The following CENPE variants were observed in gnomAD, a reference collection of about 807,000 sequenced individuals.
CENPE encodes the protein centromere-associated protein E.
Under a neutral mutation model 336.1 loss-of-function variants are expected in CENPE, and 145 were observed. That is an observed-to-expected ratio of 0.43 (90% confidence interval 0.38 to 0.50). The LOEUF (loss-of-function observed/expected upper bound fraction) is 0.50. Among genes scored for constraint, CENPE ranks in the 20% least tolerant of loss-of-function variants. The probability of loss-of-function intolerance (pLI) is 0.00; values close to 1 mark genes in which losing one functional copy is unlikely to be tolerated. For synonymous variants in CENPE, 1,013 were observed against 984.8 expected (o/e 1.03, Z -0.54); for missense variants, 2,719 against 3,023.3 (o/e 0.90, Z 2.36).
chr4:103,121,629 G>T (rs1030370716), intron 43 of CENPE, among the ~76,000 whole-genome samples: 3 of 149,784 alleles, frequency 2.0e-5, no homozygotes, highest in African/African-American at 7.4e-5. Context: ...GCTCACTGCA[G>T]TATCGATCTC....
At chr4:103,108,103 T>C in intron 48 of CENPE, among the ~76,000 whole-genome samples, 1 of 152,326 alleles carries the variant, frequency 6.6e-6, no homozygotes, top group South Asian at 2.1e-4. Flanking sequence ...CTGTTCCATC[T>C]GCCTGAGATG....
At position 103,106,151 on chromosome 4, in the gene CENPE, G is replaced by A; in HGVS notation, c.*71C>T. On this transcript the variant is annotated 3_prime_UTR_variant, in exon 49 of 49. Transcript: ENST00000265148. ...AGCTGCACTACAACATCATTACCAG[G>A]GATAGACACATAAACAAAGTCATTT... 1.0e-6 allele frequency: 1 copy of A among 1,001,634 alleles called. No homozygotes were observed. Among genetic ancestry groups the A allele is most frequent in the Non-Finnish European group, 1.5e-6 (1 of 687,814 alleles). 62.0% of individuals were successfully genotyped at this position (1,001,634 alleles called of 1,614,324 possible).
chr4:103,177,188 AT>A, intron 13 of CENPE, 142 bp from the exon 14 acceptor site: 1 of 608,322 alleles, frequency 1.6e-6, no homozygotes, highest in Non-Finnish European at 2.7e-6. Flanking sequence ...TAGTCTAAGG[AT>A]ATTGCTTAAA....
At chr4:103,186,465 G>T (rs1290425230) in intron 8 of CENPE, among the ~76,000 whole-genome samples, 1 of 152,138 alleles carries the variant, frequency 6.6e-6, no homozygotes, top group Non-Finnish European at 1.5e-5. Context: ...CACTTATTTT[G>T]TTGGGCTAGT....
At chr4:103,133,941 G>T in intron 40 of CENPE, 49 bp from the exon 41 acceptor site, 1 of 1,202,690 alleles carries the variant, frequency 8.3e-7, no homozygotes, top group Non-Finnish European at 1.2e-6. Context: ...TTTGTCACAT[G>T]TAGAGAAAGT....
At chr4:103,191,428 G>A (rs1277156881) in intron 8 of CENPE, among the ~76,000 whole-genome samples, 1 of 152,164 alleles carries the variant, frequency 6.6e-6, no homozygotes, top group African/African-American at 2.4e-5. Flanking sequence ...ACTGGATTAA[G>A]AAAATGTGGC....
At chr4:103,110,678 A>G (rs888715342) in intron 47 of CENPE, 150 bp downstream of exon 47, 6 of 494,448 alleles carry the variant, frequency 1.2e-5, no homozygotes, top group African/African-American at 1.2e-4. Context: ...TCATTTTTTA[A>G]AAAAGATACT....
intron 16 of CENPE, among the ~76,000 whole-genome samples, chr4:103,165,011 A>G (rs1754786314): frequency 6.6e-6 from 1 of 152,202 alleles, no homozygotes. Context: ...ACTAATTTAG[A>G]AAAGAAAATT....
intron 8 of CENPE, among the ~76,000 whole-genome samples, chr4:103,187,263 C>T (rs549644111): frequency 4.6e-5 from 7 of 152,194 alleles, no homozygotes; most frequent in African/African-American, 1.7e-4. Flanking sequence ...GAGGTTTGTT[C>T]ATTACGTTTT....
chr4:103,187,620 G>T (rs913509107), intron 8 of CENPE, among the ~76,000 whole-genome samples: 1 of 151,782 alleles, frequency 6.6e-6, no homozygotes, highest in Non-Finnish European at 1.5e-5. Flanking sequence ...TCACCACCAG[G>T]CCTGCCTTAC....
intron 13 of CENPE, among the ~76,000 whole-genome samples, chr4:103,179,963 C>A (rs997989440): frequency 2.0e-5 from 3 of 152,208 alleles, no homozygotes; most frequent in Non-Finnish European, 4.4e-5. Flanking sequence ...ATATTCTACA[C>A]CAATTTTCCT....
chr4:103,171,239 C>A (rs1755383210), intron 16 of CENPE, among the ~76,000 whole-genome samples: 1 of 152,022 alleles, frequency 6.6e-6, no homozygotes. Context: ...TTATCAACTG[C>A]ACATGGAACA....
chr4:103,113,203 A>G (rs936754951), intron 46 of CENPE, among the ~76,000 whole-genome samples: 1 of 101,794 alleles, frequency 9.8e-6, no homozygotes, highest in African/African-American at 3.5e-5. Context: ...TAAGTATATA[A>G]GTGTATATAT....
rs1752884306 is a variant in CENPE at position 103,144,938 on chromosome 4, C to T, written c.4857+112G>A. 4.1e-6 allele frequency: 4 copies of T among 976,006 alleles called. No individual in the cohort carries two copies. In the South Asian group the frequency reaches 6.7e-5, roughly 16 times the overall value. 60.5% of individuals were successfully genotyped at this position (976,006 alleles called of 1,614,324 possible). A position where few individuals can be genotyped will look rare whatever the true frequency, so the allele number is the denominator to read the frequency against. ...GCAGTTTTTGATTCCTCTTTTATTTCCGGTCCCTTTATGATTAGAGGAAAA... is the reference window on the plus strand; with the variant it reads ...GCAGTTTTTGATTCCTCTTTTATTTTCGGTCCCTTTATGATTAGAGGAAAA... On this transcript the variant is annotated intron_variant, in intron 32 of 48. Coordinates refer to ENST00000265148, the MANE Select transcript of CENPE (RefSeq NM_001813.3).
intron 16 of CENPE, among the ~76,000 whole-genome samples, chr4:103,164,261 A>G (rs1040924623): frequency 6.6e-6 from 1 of 152,118 alleles, no homozygotes; most frequent in Admixed American, 6.5e-5. Context: ...TCTGAGTACC[A>G]AAAAGTTTGT....
chr4:103,169,172 C>T (rs922401147), intron 16 of CENPE, among the ~76,000 whole-genome samples: 4 of 150,946 alleles, frequency 2.6e-5, no homozygotes, highest in African/African-American at 4.9e-5. Flanking sequence ...CAACAAAGAA[C>T]ATCAATAGAA....
At position 103,106,095 on chromosome 4, in the gene CENPE, T is replaced by C; in HGVS notation, c.*127A>G. The C allele has an allele frequency of 4.1e-6, 2 of 486,750 alleles. No homozygotes were observed. The highest frequency in any genetic ancestry group is 2.0e-5 in the African/African-American group (1 of 51,014). 30.2% of individuals were successfully genotyped at this position (486,750 alleles called of 1,614,324 possible). ...TTCCTGTTCCCTTATCTTTCAACTCTAGTGGCAAAGTAAAGACTGAATTGA... is the reference window on the plus strand; with the variant it reads ...TTCCTGTTCCCTTATCTTTCAACTCCAGTGGCAAAGTAAAGACTGAATTGA... On this transcript the variant is annotated 3_prime_UTR_variant, in exon 49 of 49. Coordinates refer to ENST00000265148, the MANE Select transcript of CENPE (RefSeq NM_001813.3).
At chr4:103,190,261 T>C (rs897134124) in intron 8 of CENPE, among the ~76,000 whole-genome samples, 2 of 152,146 alleles carry the variant, frequency 1.3e-5, no homozygotes, top group African/African-American at 4.8e-5. Flanking sequence ...CAGCTACCAA[T>C]GACTTTTCTT....
chr4:103,166,230 A>G (rs1754907409), intron 16 of CENPE, among the ~76,000 whole-genome samples: 2 of 152,194 alleles, frequency 1.3e-5, no homozygotes. Flanking sequence ...AGGGTGGAGA[A>G]ATACAGGAAG....
Sources: gnomAD v4.1 joint callset for allele counts (sites outside exome capture counted in the v4.1 genomes callset) on GRCh38, gnomAD v4.1.1 for gene constraint, MANE v1.5 for transcripts, NCBI Gene and HGNC (gene_info 2026-07-23, HGNC 2026-07-21) for gene names.